Variants in AGMO observed in about 807,000 individuals in gnomAD.
The protein encoded by AGMO is glyceryl-ether monooxygenase.
A neutral mutation model predicts 60.2 loss-of-function variants in AGMO; 75 were observed. The observed-to-expected ratio is 1.25, with a 90% CI of 1.03 to 1.51. The LOEUF is 1.51. AGMO is among the 40% of genes most tolerant of loss of function. AGMO has a pLI of 0.00. For synonymous variants in AGMO, 261 were observed against 177.1 expected (o/e 1.47, Z -3.76); for missense variants, 763 against 525.5 (o/e 1.45, Z -4.42).
intron 12 of AGMO, among the ~76,000 whole-genome samples, chr7:15,229,250 T>A (rs1782179490): frequency 6.6e-6 from 1 of 152,098 alleles, no homozygotes; most frequent in African/African-American, 2.4e-5. Context: ...TTGATAATTT[T>A]ATCATGTCTA....
intron 12 of AGMO, among the ~76,000 whole-genome samples, chr7:15,216,020 T>A (rs1171499466): frequency 6.6e-6 from 1 of 152,062 alleles, no homozygotes; most frequent in East Asian, 1.9e-4. Context: ...GCCATCTGAA[T>A]AAATGAACAG....
intron 4 of AGMO, among the ~76,000 whole-genome samples, chr7:15,427,391 G>T (rs1228056956): frequency 6.6e-6 from 1 of 152,112 alleles, no homozygotes; most frequent in African/African-American, 2.4e-5. Context: ...ACATTGTTAT[G>T]CTGTATTTGC....
At chr7:15,175,538 C>G in the AGMO span, among the ~76,000 whole-genome samples, 7 of 151,730 alleles carry the variant, frequency 4.6e-5, no homozygotes, top group African/African-American at 1.7e-4. Context: ...ATTTTTGGCT[C>G]TTTTATTCTC....
At chr7:15,243,590 T>TA (rs750990662) in intron 12 of AGMO, among the ~76,000 whole-genome samples, 22 of 152,158 alleles carry the variant, frequency 1.4e-4, no homozygotes, top group Admixed American at 7.2e-4. Flanking sequence ...AGACAGAAGT[T>TA]ACACAGTGAT....
At chr7:15,195,450 C>T (rs371918791), downstream of AGMO, among the ~76,000 whole-genome samples, 5 of 152,290 alleles carry the variant, frequency 3.3e-5, no homozygotes, top group South Asian at 4.1e-4. Flanking sequence ...TTGGTTGGAC[C>T]AGGTGTGACG....
chr7:15,364,447 G>A (rs959009756), intron 12 of AGMO, among the ~76,000 whole-genome samples: 1 of 151,850 alleles, frequency 6.6e-6, no homozygotes, highest in African/African-American at 2.4e-5. Context: ...GTACTAAAGG[G>A]TTTCTTGTGT....
intron 3 of AGMO, among the ~76,000 whole-genome samples, chr7:15,523,708 A>C (rs1361679263): frequency 6.6e-6 from 1 of 152,092 alleles, no homozygotes; most frequent in African/African-American, 2.4e-5. Context: ...GGAGGAAGGG[A>C]TAGCATTAGG....
the AGMO span, among the ~76,000 whole-genome samples, chr7:15,153,439 T>C: frequency 6.6e-6 from 1 of 152,192 alleles, no homozygotes; most frequent in Non-Finnish European, 1.5e-5. Flanking sequence ...AGAAGGGTTT[T>C]TCCAATGTTA....
chr7:15,532,337 G>C (rs927611471), intron 3 of AGMO, among the ~76,000 whole-genome samples: 1 of 152,168 alleles, frequency 6.6e-6, no homozygotes, highest in Non-Finnish European at 1.5e-5. Context: ...CATAGGCTCT[G>C]AGATTAACGG....
At chr7:15,247,099 C>T (rs953912260) in intron 12 of AGMO, among the ~76,000 whole-genome samples, 1 of 151,574 alleles carries the variant, frequency 6.6e-6, no homozygotes, top group African/African-American at 2.4e-5. Context: ...GCCACTGTGC[C>T]CAGCCTGAAA....
chr7:15,449,098 G>C (rs1438683574), intron 3 of AGMO, among the ~76,000 whole-genome samples: 1 of 152,076 alleles, frequency 6.6e-6, no homozygotes, highest in African/African-American at 2.4e-5. Flanking sequence ...TGCAAAGTTT[G>C]TTGTTTAGAT....
At chr7:15,404,197 AATG>A (rs1421958157) in intron 5 of AGMO, among the ~76,000 whole-genome samples, 7 of 151,944 alleles carry the variant, frequency 4.6e-5, no homozygotes, top group Admixed American at 3.9e-4. Flanking sequence ...GCTTAGTTTT[AATG>A]AAGAATGGGA....
At chr7:15,130,011 A>G in the AGMO span, among the ~76,000 whole-genome samples, 1 of 152,152 alleles carries the variant, frequency 6.6e-6, no homozygotes, top group Non-Finnish European at 1.5e-5. Context: ...TTGGGGGTCT[A>G]GGACATATGT....
At chr7:15,393,663 C>G (rs939113381) in intron 6 of AGMO, among the ~76,000 whole-genome samples, 5 of 152,132 alleles carry the variant, frequency 3.3e-5, no homozygotes, top group Non-Finnish European at 7.3e-5. Flanking sequence ...TGAGATTGTT[C>G]AACGCCTTAG....
intron 8 of AGMO, among the ~76,000 whole-genome samples, chr7:15,390,165 C>T (rs569867664): frequency 1.3e-5 from 2 of 152,024 alleles, no homozygotes; most frequent in Non-Finnish European, 2.9e-5. Flanking sequence ...TACCACATGT[C>T]TAAGAGAAAA....
At position 15,455,650 on chromosome 7, in the gene AGMO, T is replaced by G. The variant is rs150211905; in HGVS notation, c.410-24542A>C. Among the ~76,000 whole-genome samples, 693 of 152,264 alleles carry G rather than the reference T, an allele frequency of 4.6e-3. 6 individuals are homozygous for G. The highest frequency in any genetic ancestry group is 0.016 in the African/African-American group (656 of 41,576). Reference sequence around the variant, plus strand: ...TGAAAATATGTTTATTCTATTCACATGCTTGATTGATAGTTTATTTAAGTA... The same window carrying G: ...TGAAAATATGTTTATTCTATTCACAGGCTTGATTGATAGTTTATTTAAGTA... On this transcript the variant is annotated intron_variant, in intron 3 of 12. Coordinates refer to ENST00000342526, the MANE Select transcript of AGMO (RefSeq NM_001004320.2).
In AGMO at chr7:15,295,031, A is replaced by C. The variant is rs1000395026; in HGVS notation, c.1263+70483T>G. 3.3e-5 allele frequency among the ~76,000 whole-genome samples: 5 copies of C among 151,986 alleles called. No homozygotes were observed. In the East Asian group the frequency reaches 9.6e-4, roughly 29 times the overall value. On this transcript the variant is annotated intron_variant, in intron 12 of 12. Transcript: ENST00000342526. ...AATATATTTTTTAAATACCTCAATA[A>C]TAAGAGATGTATTTCTCATTATTCA...
downstream of AGMO, among the ~76,000 whole-genome samples, chr7:15,195,776 C>G (rs190246166): frequency 6.6e-6 from 1 of 152,162 alleles, no homozygotes; most frequent in East Asian, 1.9e-4. Flanking sequence ...AAAACCTTAC[C>G]GAGGACTTCC....
At chr7:15,238,811 T>A (rs979631901) in intron 12 of AGMO, among the ~76,000 whole-genome samples, 13 of 152,072 alleles carry the variant, frequency 8.5e-5, no homozygotes, top group African/African-American at 2.9e-4. Flanking sequence ...TAAAATGTCA[T>A]AGAAAGTCAT....
Sources: allele counts gnomAD v4.1 joint callset (sites outside exome capture counted in the v4.1 genomes callset), GRCh38; gene constraint gnomAD v4.1.1; transcripts MANE v1.5; gene names NCBI Gene and HGNC (gene_info 2026-07-23, HGNC 2026-07-21).